The following COPB2 variants were observed in gnomAD, a reference collection of about 807,000 sequenced individuals.
The protein encoded by COPB2 is coat protein complex I subunit beta 2.
COPB2 carries 16 observed loss-of-function variants against 120.8 expected under a neutral mutation model. The observed-to-expected ratio is 0.13, with a 90% CI of 0.09 to 0.20. The LOEUF (loss-of-function observed/expected upper bound fraction) is 0.20. Ranked by LOEUF, COPB2 falls within the 10% of genes least tolerant of loss-of-function variation. The pLI, the probability that COPB2 is intolerant of heterozygous loss-of-function variation, is 1.00. For missense variants in COPB2, 794 were observed against 1,076.5 expected (o/e 0.74, Z 3.67); for synonymous variants, 332 against 366.3 (o/e 0.91, Z 1.07).
intron 1 of COPB2, among the ~76,000 whole-genome samples, chr3:139,386,235 C>G (rs1419105097): frequency 1.3e-5 from 2 of 151,588 alleles, no homozygotes; most frequent in East Asian, 3.9e-4. Flanking sequence ...TCATCAGTCC[C>G]TTCCTCTCTC....
intron 10 of COPB2, among the ~76,000 whole-genome samples, chr3:139,371,384 C>A (rs1941620352): frequency 6.6e-6 from 1 of 152,160 alleles, no homozygotes. Flanking sequence ...GAGGGCATGC[C>A]AAGGCCTGCC....
Position 139,379,411 on chromosome 3 carries a change from A to T in COPB2, c.197T>A (p.Val66Asp). The part of the protein sequence containing the change: ...CDLPVRAAKF[V>D]ARKNWVVTGA... ...TGTCACAACCCAATTCTTCCTTGCA[A>T]CAAACTTTGCAGCTCGAACAGGAAG... Residue 66 changes from valine to aspartate, a missense_variant, in exon 3 of 22, where the codon GTT becomes GAT. Val to Asp is a radical substitution (Grantham distance 152, BLOSUM62 -3). Around this residue, in one of 3 missense-constraint regions of COPB2, gnomAD observed 610 missense variants for 866.7 expected, o/e 0.70. Coordinates refer to ENST00000333188, the MANE Select transcript of COPB2 (RefSeq NM_004766.3). The T allele has an allele frequency of 6.2e-7, 1 of 1,614,150 alleles. No homozygotes were observed. The highest frequency in any genetic ancestry group is 8.5e-7 in the Non-Finnish European group (1 of 1,179,996).
intron 1 of COPB2, among the ~76,000 whole-genome samples, 165 bp from the exon 2 acceptor site, chr3:139,383,600 C>CA (rs571280238): frequency 1.3e-5 from 2 of 151,998 alleles, no homozygotes; most frequent in African/African-American, 2.4e-5. Flanking sequence ...ATTTACACAT[C>CA]AAAAAAATCA....
Position 139,361,308 on chromosome 3 carries a change from A to G in COPB2, c.1996-13T>C. 1.2e-6 allele frequency: 2 copies of G among 1,605,344 alleles called. No individual in the cohort carries two copies. Among genetic ancestry groups the G allele is most frequent in the Non-Finnish European group, 1.7e-6 (2 of 1,173,348 alleles). ...ACTTCTGTTCTGACTGTAAGAAAAGAGTTTCCAAGTTAAAATATCTTTAGA... is the reference window on the plus strand; with the variant it reads ...ACTTCTGTTCTGACTGTAAGAAAAGGGTTTCCAAGTTAAAATATCTTTAGA... On this transcript the variant is annotated splice_polypyrimidine_tract_variant and intron_variant, in intron 16 of 21. Transcript: ENST00000333188.
At chr3:139,367,378 C>T (rs1013530257) in intron 13 of COPB2, among the ~76,000 whole-genome samples, 1 of 151,532 alleles carries the variant, frequency 6.6e-6, no homozygotes, top group African/African-American at 2.4e-5. Context: ...ACTTCTACCT[C>T]CCGGATTCAA....
chr3:139,360,174 T>C (rs1463972085), intron 17 of COPB2, among the ~76,000 whole-genome samples: 1 of 127,714 alleles, frequency 7.8e-6, no homozygotes, highest in African/African-American at 2.9e-5. Context: ...CAAAGTTATA[T>C]GGCGAAGTAT....
rs887635865 is a variant in COPB2 at position 139,374,578 on chromosome 3, C to T, written c.662G>A (p.Cys221Tyr). Residue 221 changes from cysteine to tyrosine, a missense_variant, in exon 7 of 22, where the codon TGT becomes TAT. Cys to Tyr is a radical substitution (Grantham distance 194). Transcript: ENST00000333188. ...GGCATGTCCTTCCAGTGTCTGCACA[C>T]ATGTTTTATTCTGTAATTAAGACAT... Reference protein sequence around the residue: ...VKIWDYQNKTCVQTLEGHAQN... With the variant: ...VKIWDYQNKTYVQTLEGHAQN... 1.2e-6 allele frequency: 2 copies of T among 1,613,226 alleles called. No homozygotes were observed. The highest frequency in any genetic ancestry group is 2.7e-5 in the African/African-American group (2 of 74,878).
intron 15 of COPB2, among the ~76,000 whole-genome samples, chr3:139,365,633 T>A (rs1941500072): frequency 6.6e-6 from 1 of 152,034 alleles, no homozygotes; most frequent in African/African-American, 2.4e-5. Flanking sequence ...AAATCCATGA[T>A]GAGAGCAGGA....
intron 15 of COPB2, among the ~76,000 whole-genome samples, chr3:139,363,145 G>A (rs1403294943): frequency 2.0e-5 from 3 of 152,202 alleles, no homozygotes; most frequent in Non-Finnish European, 4.4e-5. Flanking sequence ...CAGTTCCTCA[G>A]CAAGTATCCA....
In COPB2 at chr3:139,367,264, A is replaced by G. The variant is rs1037520082; in HGVS notation, c.1546-119T>C. On this transcript the variant is annotated intron_variant, in intron 13 of 21. Coordinates refer to ENST00000333188, the MANE Select transcript of COPB2 (RefSeq NM_004766.3). ...AGGAATGCAAAGTAAAATCCTTCCTATTTCTAGAAAAAAAAAATTTTCCTT... is the reference window on the plus strand; with the variant it reads ...AGGAATGCAAAGTAAAATCCTTCCTGTTTCTAGAAAAAAAAAATTTTCCTT... 6 of 1,156,800 alleles carry G rather than the reference A, an allele frequency of 5.2e-6. No individual in the cohort carries two copies. The African/African-American group carries it at 9.7e-5, about 19-fold the overall frequency. The allele number at this position is 1,156,800 out of a possible 1,614,324, so 71.7% of individuals were successfully genotyped here. A position where few individuals can be genotyped will look rare whatever the true frequency, so the allele number is the denominator to read the frequency against.
chr3:139,368,122 G>A (rs1419487447), intron 13 of COPB2, 23 bp downstream of exon 13: 23 of 1,597,416 alleles, frequency 1.4e-5, no homozygotes, highest in Non-Finnish European at 1.7e-5. Flanking sequence ...AGCTGAAAGC[G>A]AAAGTTGTGC....
intron 1 of COPB2, among the ~76,000 whole-genome samples, chr3:139,385,745 C>T (rs2107811565): frequency 6.6e-6 from 1 of 152,296 alleles, no homozygotes; most frequent in African/African-American, 2.4e-5. Context: ...ATTTGAATAA[C>T]TATTTTCTCC....
chr3:139,368,185 T>C lies in COPB2; in HGVS notation c.1505A>G (p.His502Arg), dbSNP rs772562874. 1 of 1,613,930 alleles carries C rather than the reference T, an allele frequency of 6.2e-7. No homozygotes were observed. The highest frequency in any genetic ancestry group is 8.5e-7 in the Non-Finnish European group (1 of 1,179,878). Residue 502 changes from histidine to arginine, a missense_variant, in exon 13 of 22, where the codon CAT becomes CGT. By Grantham distance (29) the His-to-Arg change is conservative. This residue lies in a region of COPB2 where 610 missense variants were observed against 866.7 expected (regional missense o/e 0.70). Coordinates refer to ENST00000333188, the MANE Select transcript of COPB2 (RefSeq NM_004766.3). Reference sequence around the variant, plus strand: ...AATGCCATCTTCAGTAACTCCCTCATGTGTTTCCTGTGCAGCCAAGACTTT... The same window carrying C: ...AATGCCATCTTCAGTAACTCCCTCACGTGTTTCCTGTGCAGCCAAGACTTT... ...SEKVLAAQETHEGVTEDGIED... is the reference protein window; with the variant it reads ...SEKVLAAQETREGVTEDGIED...
chr3:139,375,731 A>G (rs1214953706), intron 5 of COPB2, 117 bp from the exon 6 acceptor site: 7 of 1,231,192 alleles, frequency 5.7e-6, no homozygotes, highest in African/African-American at 4.6e-5. Flanking sequence ...AAGAGCTATC[A>G]AATTTTATTT....
intron 15 of COPB2, among the ~76,000 whole-genome samples, chr3:139,364,284 G>T (rs550046575): frequency 1.3e-4 from 20 of 152,060 alleles, no homozygotes; most frequent in Non-Finnish European, 1.8e-4. Context: ...AGAAACTCTA[G>T]ATCCGCTCCC....
In COPB2 at chr3:139,358,282, A is replaced by C; in HGVS notation, c.2554-11T>G. 6.2e-7 allele frequency: 1 copy of C among 1,609,480 alleles called. No homozygotes were observed. Among genetic ancestry groups the C allele is most frequent in the Non-Finnish European group, 8.5e-7 (1 of 1,175,864 alleles). On this transcript the variant is annotated splice_polypyrimidine_tract_variant and intron_variant, in intron 20 of 21. Coordinates refer to ENST00000333188, the MANE Select transcript of COPB2 (RefSeq NM_004766.3). ...TTTCCCATCAAGTTCCTGAAACCAC[A>C]AGTGAAGATATATATGAAGACAAGG...
At chr3:139,366,486 A>G in intron 15 of COPB2, 82 bp downstream of exon 15, 1 of 1,297,906 alleles carries the variant, frequency 7.7e-7, no homozygotes, top group Non-Finnish European at 1.1e-6. Context: ...GCAATTAAGA[A>G]ATAAAGTTTT....
intron 2 of COPB2, chr3:139,381,738 G>C (rs1560021245): frequency 6.6e-6 from 1 of 152,150 alleles, no homozygotes; most frequent in Non-Finnish European, 1.5e-5. Flanking sequence ...GATAAGAAAA[G>C]TACGCCTGGG....
intron 4 of COPB2, 34 bp downstream of exon 4, chr3:139,379,013 G>A (rs1227372821): frequency 6.5e-7 from 1 of 1,543,090 alleles, no homozygotes; most frequent in East Asian, 2.3e-5. Flanking sequence ...ATTACCCAAA[G>A]AGACGCACAT....
Sources: gnomAD v4.1 joint callset for allele counts (sites outside exome capture counted in the v4.1 genomes callset) on GRCh38, gnomAD v4.1.1 for gene constraint, gnomAD v4.1.1 regional missense constraint, MANE v1.5 for transcripts, NCBI Gene and HGNC (gene_info 2026-07-23, HGNC 2026-07-21) for gene names.